LPIN1: variants seen among roughly 807,000 people sequenced by gnomAD.
LPIN1 encodes lipin 1.
A neutral mutation model predicts 107.5 loss-of-function variants in LPIN1; 71 were observed. That is an observed-to-expected ratio of 0.66 (90% CI 0.55 to 0.80). The LOEUF is 0.80. Ranked by LOEUF, LPIN1 falls within the 30% of genes least tolerant of loss-of-function variation. The pLI, the probability that LPIN1 is intolerant of heterozygous loss-of-function variation, is 0.00. For missense variants in LPIN1, 1,043 were observed against 1,160.6 expected, an observed-to-expected ratio of 0.90 and a Z score of 1.47; for synonymous variants, 445 against 452.6, an observed-to-expected ratio of 0.98 and a Z score of 0.21.
At chr2:11,677,951 T>G (rs967918761) in intron 1 of LPIN1, among the ~76,000 whole-genome samples, 1 of 152,272 alleles carries the variant, frequency 6.6e-6, no homozygotes, top group Non-Finnish European at 1.5e-5. Flanking sequence ...GCTGTAGAAC[T>G]TATTCAAGAA....
intron 1 of LPIN1, among the ~76,000 whole-genome samples, chr2:11,762,327 T>A (rs1489085205): frequency 2.6e-5 from 4 of 151,966 alleles, no homozygotes; most frequent in Non-Finnish European, 5.9e-5. Context: ...CTGAGCCCCT[T>A]TCTTTCGGGT....
intron 1 of LPIN1, among the ~76,000 whole-genome samples, chr2:11,699,183 C>T (rs1354335733): frequency 6.6e-6 from 1 of 152,130 alleles, no homozygotes; most frequent in African/African-American, 2.4e-5. Flanking sequence ...CCAGGGAAAC[C>T]AAAAGATGGG....
At chr2:11,772,473 T>A (rs957072491) in intron 4 of LPIN1, among the ~76,000 whole-genome samples, 1 of 152,170 alleles carries the variant, frequency 6.6e-6, no homozygotes, top group African/African-American at 2.4e-5. Flanking sequence ...CCAAACCCAT[T>A]TTCTTGGAAC....
chr2:11,733,180 T>C (rs561574259), intron 1 of LPIN1, among the ~76,000 whole-genome samples: 1 of 152,166 alleles, frequency 6.6e-6, no homozygotes, highest in Non-Finnish European at 1.5e-5. Context: ...TCCTATGGTT[T>C]CTACTCCCTT....
chr2:11,741,490 T>C lies in LPIN1; in HGVS notation c.9+62T>C, dbSNP rs879013595. 34 of 1,301,816 alleles carry C rather than the reference T, an allele frequency of 2.6e-5. 1 individual carries two copies. The South Asian group carries it at 4.3e-4, about 17-fold the overall frequency. The allele number at this position is 1,301,816 out of a possible 1,614,324, so 80.6% of individuals were successfully genotyped here. A position where few individuals can be genotyped will look rare whatever the true frequency, so the allele number is the denominator to read the frequency against. On this transcript the variant is annotated intron_variant, in intron 2 of 21. Coordinates refer to the LPIN1 transcript ENST00000396097. Reference sequence around the variant, plus strand: ...GGTGTTATGACCATTAGATAAATAATATTGTTTGGCAACTGCAAGGAAAAG... The same window carrying C: ...GGTGTTATGACCATTAGATAAATAACATTGTTTGGCAACTGCAAGGAAAAG...
chr2:11,776,231 A>T (rs769914570), intron 6 of LPIN1, 38 bp downstream of exon 6: 62 of 1,346,486 alleles, frequency 4.6e-5, no homozygotes, highest in Non-Finnish European at 5.9e-5. Context: ...TATATTCAAT[A>T]ATGAAAAATT....
intron 1 of LPIN1, among the ~76,000 whole-genome samples, chr2:11,702,417 A>T (rs1295387709): frequency 6.6e-6 from 1 of 152,084 alleles, no homozygotes; most frequent in African/African-American, 2.4e-5. Flanking sequence ...TGGGCTCTGG[A>T]CTGGTTGGTT....
chr2:11,686,254 C>A (rs1187266689), intron 1 of LPIN1, among the ~76,000 whole-genome samples: 3 of 151,870 alleles, frequency 2.0e-5, no homozygotes, highest in African/African-American at 7.2e-5. Flanking sequence ...GGATCCCCGA[C>A]CCCGCTTTTG....
At chr2:11,727,815 C>A (rs1004827835) in intron 1 of LPIN1, among the ~76,000 whole-genome samples, 7 of 152,174 alleles carry the variant, frequency 4.6e-5, no homozygotes, top group Non-Finnish European at 7.3e-5. Flanking sequence ...AATCCTAGTA[C>A]CCAAATAAAG....
intron 1 of LPIN1, among the ~76,000 whole-genome samples, chr2:11,753,726 G>C (rs1668229978): frequency 6.6e-6 from 1 of 152,224 alleles, no homozygotes; most frequent in Non-Finnish European, 1.5e-5. Flanking sequence ...GCTCTGAAAA[G>C]ACTTCCTCTT....
intron 2 of LPIN1, among the ~76,000 whole-genome samples, chr2:11,717,422 G>A (rs72773966): frequency 5.3e-5 from 8 of 151,916 alleles, no homozygotes; most frequent in African/African-American, 1.9e-4. Context: ...GATATGGGGG[G>A]TGTTTTTCCT....
At position 11,771,058 on chromosome 2, in the gene LPIN1, T is replaced by C. The variant is rs1220346220; in HGVS notation, c.289-314T>C. On this transcript the variant is annotated intron_variant, in intron 3 of 20. Transcript: ENST00000674199. The surrounding 1 kb of genome is among the most constrained non-coding windows in gnomAD (Gnocchi z 4.8). ...CAAAGCCCATTTTTTTCCTCTGTGC[T>C]CTGGGTATTACAGCCAAAGTTGAAT... Among the ~76,000 whole-genome samples, 1 of 152,232 alleles carries C rather than the reference T, an allele frequency of 6.6e-6. No individual in the cohort carries two copies. The highest frequency in any genetic ancestry group is 1.9e-4 in the East Asian group (1 of 5,204).
In LPIN1 at chr2:11,805,945, C is replaced by T. The variant is rs551860295; in HGVS notation, c.2249+789C>T. 2.6e-5 allele frequency among the ~76,000 whole-genome samples: 4 copies of T among 152,310 alleles called. No homozygotes were observed. In the East Asian group the frequency reaches 7.7e-4, roughly 29 times the overall value. On this transcript the variant is annotated intron_variant, in intron 17 of 20. Coordinates refer to ENST00000674199, the MANE Select transcript of LPIN1 (RefSeq NM_001349206.2). ...GCCAGGCCCAAGCCTCTCTCCCGCT[C>T]AGTCATGCCTCCTCCAGCCTTTTGT...
intron 1 of LPIN1, among the ~76,000 whole-genome samples, chr2:11,751,046 C>T (rs186084876): frequency 6.6e-6 from 1 of 152,352 alleles, no homozygotes; most frequent in East Asian, 1.9e-4. Flanking sequence ...GGATCGGAGT[C>T]AAAGCCTTGG....
chr2:11,768,701 T>C (rs374044788), intron 3 of LPIN1, among the ~76,000 whole-genome samples: 1 of 151,722 alleles, frequency 6.6e-6, no homozygotes, highest in Non-Finnish European at 1.5e-5. Context: ...CTTTGGGAGG[T>C]CGAGGTGGGC....
intron 1 of LPIN1, among the ~76,000 whole-genome samples, chr2:11,735,669 C>T (rs1001863401): frequency 6.6e-6 from 1 of 152,200 alleles, no homozygotes; most frequent in Admixed American, 6.5e-5. Flanking sequence ...TCACCAACCC[C>T]AGGTTCTAGG....
chr2:11,721,032 G>T (rs953996316), upstream of LPIN1, among the ~76,000 whole-genome samples: 1 of 152,088 alleles, frequency 6.6e-6, no homozygotes, highest in African/African-American at 2.4e-5. Context: ...TATCTAGACT[G>T]TGCTGTACTC....
chr2:11,804,642 T>C, intron 16 of LPIN1, 71 bp downstream of exon 16: 1 of 1,516,924 alleles, frequency 6.6e-7, no homozygotes, highest in Admixed American at 1.7e-5. Flanking sequence ...GGCCTGGTGT[T>C]GGCACCTCTG....
chr2:11,683,691 G>T (rs1050620362), intron 1 of LPIN1, among the ~76,000 whole-genome samples: 6 of 152,202 alleles, frequency 3.9e-5, no homozygotes, highest in African/African-American at 1.4e-4. Flanking sequence ...TGTGGTCGTC[G>T]AGGTAAGCAG....
Sources: allele counts gnomAD v4.1 joint callset (sites outside exome capture counted in the v4.1 genomes callset), GRCh38; gene constraint gnomAD v4.1.1; non-coding constraint Gnocchi (gnomAD v3.1); transcripts MANE v1.5; gene names NCBI Gene and HGNC (gene_info 2026-07-23, HGNC 2026-07-21).